The following TRMT44 variants were observed in gnomAD, a reference collection of about 807,000 sequenced individuals.
TRMT44 encodes the protein tRNA methyltransferase 44 homolog, also known as probable tRNA (uracil-O(2)-)-methyltransferase.
TRMT44 carries 78 observed loss-of-function variants against 77.3 expected under a neutral mutation model. The observed-to-expected ratio is 1.01, with a 90% CI of 0.84 to 1.22. The LOEUF (loss-of-function observed/expected upper bound fraction) is 1.22, where lower values mean the gene tolerates loss of function less well. TRMT44 is among the 50% of genes most tolerant of loss of function. The pLI is 0.00. For synonymous variants in TRMT44, 391 were observed against 383.3 expected (o/e 1.02, Z -0.23); for missense variants, 1,090 against 964.4 (o/e 1.13, Z -1.73).
the TRMT44 span, chr4:8,510,637 G>A: frequency 1.3e-5 from 2 of 152,636 alleles, no homozygotes; most frequent in Non-Finnish European, 2.9e-5. Flanking sequence ...CAGAGAGAGA[G>A]GCGTGGACCT....
At chr4:8,465,278 T>C (rs973030948) in intron 7 of TRMT44, 100 bp from the exon 8 acceptor site, 2 of 1,112,662 alleles carry the variant, frequency 1.8e-6, no homozygotes, top group Admixed American at 2.3e-5. Context: ...CACTTCCCTA[T>C]TTTGCCCTGA....
At chr4:8,468,626 A>G (rs946914898) in intron 9 of TRMT44, 1 of 563,776 alleles carries the variant, frequency 1.8e-6, no homozygotes, top group Non-Finnish European at 3.1e-6. Context: ...AGAACTACTC[A>G]TTTTCAATCT....
chr4:8,455,728 C>T (rs1183949153), intron 6 of TRMT44, among the ~76,000 whole-genome samples: 1 of 152,184 alleles, frequency 6.6e-6, no homozygotes, highest in African/African-American at 2.4e-5. Flanking sequence ...TATTTGCAAG[C>T]ATGTTGTTAA....
chr4:8,475,087 C>G (rs536539285), intron 10 of TRMT44, among the ~76,000 whole-genome samples: 16 of 152,324 alleles, frequency 1.1e-4, no homozygotes, highest in African/African-American at 3.4e-4. Context: ...TCCACACTTG[C>G]ACCTGGAGGG....
chr4:8,455,125 G>A lies in TRMT44; in HGVS notation c.1203+312G>A, dbSNP rs929241958. 6.6e-5 allele frequency among the ~76,000 whole-genome samples: 10 copies of A among 152,206 alleles called. No homozygotes were observed. The East Asian group carries it at 7.7e-4, about 12-fold the overall frequency. On this transcript the variant is annotated intron_variant, in intron 6 of 10. Transcript: ENST00000389737. ...AGCCTTGAGGTGGGGGCTGTGCCCC[G>A]TGCATTTTGCGAAGTCTTCTCCAAG...
intron 3 of TRMT44, among the ~76,000 whole-genome samples, chr4:8,450,278 G>C (rs975395439): frequency 2.0e-5 from 3 of 151,828 alleles, no homozygotes; most frequent in African/African-American, 7.3e-5. Context: ...ACTCTTCCAG[G>C]TAAAATTGTT....
At chr4:8,441,963 G>T (rs1279196265) in intron 1 of TRMT44, among the ~76,000 whole-genome samples, 2 of 152,236 alleles carry the variant, frequency 1.3e-5, no homozygotes, top group African/African-American at 4.8e-5. Flanking sequence ...CATCATACAT[G>T]TCATCTATAG....
chr4:8,490,113 G>A (rs1325195739), intron 2 of TRMT44, among the ~76,000 whole-genome samples: 1 of 152,156 alleles, frequency 6.6e-6, no homozygotes, highest in Non-Finnish European at 1.5e-5. Flanking sequence ...TTGATCCTGT[G>A]TGATTTCATC....
Position 8,451,564 on chromosome 4 carries a change from G to T in TRMT44, c.955-396G>T, listed in dbSNP as rs1283530356. Among the ~76,000 whole-genome samples the T allele has an allele frequency of 2.6e-5, 4 of 152,198 alleles. No individual in the cohort carries two copies. The highest frequency in any genetic ancestry group is 6.5e-5 in the Admixed American group (1 of 15,286). On this transcript the variant is annotated intron_variant, in intron 3 of 10. Coordinates refer to ENST00000389737, the MANE Select transcript of TRMT44 (RefSeq NM_152544.3). This position sits in a 1 kb window ranked among gnomAD's most constrained non-coding sequence, Gnocchi z 4.1. ...GCAGCCACTGATGGACCAGGGGCTG[G>T]AGCACTGGTCTCCTAGTTTGTGGCT...
Position 8,446,507 on chromosome 4 carries a change from T to C in TRMT44, c.651T>C (p.Pro217=), listed in dbSNP as rs2109088048. Residue 217 remains proline (P), a synonymous_variant, in exon 2 of 11, where the codon CCT becomes CCC. Transcript: ENST00000389737. This position sits in a 1 kb window ranked among gnomAD's most constrained non-coding sequence, Gnocchi z 4.3. ...TCAATGGAACCATAACGTTTTTGCC[T>C]TTGGAAGAAGATGATGAGGGGAACC... ...DVLNGTITFL[P]LEEDDEGNLK... 4 of 1,536,616 alleles carry C rather than the reference T, an allele frequency of 2.6e-6. No homozygotes were observed. The Middle Eastern group carries it at 5.0e-4, about 192-fold the overall frequency.
At position 8,461,704 on chromosome 4, in the gene TRMT44, C is replaced by T. The variant is rs1027212492; in HGVS notation, c.1204-2281C>T. 1.3e-5 allele frequency among the ~76,000 whole-genome samples: 2 copies of T among 151,934 alleles called. No individual in the cohort carries two copies. Among genetic ancestry groups the T allele is most frequent in the African/African-American group, 4.8e-5 (2 of 41,364 alleles). On this transcript the variant is annotated intron_variant, in intron 6 of 10. Transcript: ENST00000389737. This position sits in a 1 kb window ranked among gnomAD's most constrained non-coding sequence, Gnocchi z 4.6. ...AAGTGTGTAGGTTTTTTCCTTGTTA[C>T]CTCCCAACCTTCAGTCTCGGTGCTA... is the stretch of plus-strand genomic sequence containing the variant.
intron 6 of TRMT44, among the ~76,000 whole-genome samples, chr4:8,458,691 G>C (rs1314679460): frequency 6.6e-6 from 1 of 151,858 alleles, no homozygotes; most frequent in Non-Finnish European, 1.5e-5. Flanking sequence ...CTGACCTCAA[G>C]TGATCCACCC....
intron 10 of TRMT44, among the ~76,000 whole-genome samples, chr4:8,473,093 G>A (rs1359150202): frequency 6.6e-6 from 1 of 152,228 alleles, no homozygotes; most frequent in Non-Finnish European, 1.5e-5. Context: ...CTGAAGCTGG[G>A]TCTTATCTCT....
At chr4:8,463,964 C>T in intron 6 of TRMT44, 21 bp from the exon 7 acceptor site, 1 of 1,590,634 alleles carries the variant, frequency 6.3e-7, no homozygotes, top group African/African-American at 1.3e-5. Flanking sequence ...AACATTTCGT[C>T]TTGTTTTGTT....
At chr4:8,443,902 G>A (rs1724904640) in intron 1 of TRMT44, among the ~76,000 whole-genome samples, 3 of 151,872 alleles carry the variant, frequency 2.0e-5, no homozygotes, top group Admixed American at 2.0e-4. Flanking sequence ...GGAGGTTGCA[G>A]TGAACCAAGA....
At chr4:8,496,086 G>GA (rs1463986084), downstream of TRMT44, among the ~76,000 whole-genome samples, 36 of 152,302 alleles carry the variant, frequency 2.4e-4, no homozygotes, top group African/African-American at 8.4e-4. Context: ...GTGAACCAAT[G>GA]AGAAACCTTC....
chr4:8,456,061 C>G (rs527786832), intron 6 of TRMT44, among the ~76,000 whole-genome samples: 1 of 152,308 alleles, frequency 6.6e-6, no homozygotes, highest in South Asian at 2.1e-4. Flanking sequence ...TCAAAACTTA[C>G]ACAAACCCAG....
At chr4:8,496,312 C>T (rs1728148955), downstream of TRMT44, among the ~76,000 whole-genome samples, 1 of 152,216 alleles carries the variant, frequency 6.6e-6, no homozygotes, top group African/African-American at 2.4e-5. Flanking sequence ...GTTCAAAACA[C>T]CAAGAACCTG....
downstream of TRMT44, among the ~76,000 whole-genome samples, chr4:8,494,789 G>T (rs1728104310): frequency 6.6e-6 from 1 of 151,474 alleles, no homozygotes; most frequent in Non-Finnish European, 1.5e-5. Context: ...ACCCAAGGGA[G>T]GTATGAAGCT....
Sources: gnomAD v4.1 joint callset for allele counts (sites outside exome capture counted in the v4.1 genomes callset) on GRCh38, gnomAD v4.1.1 for gene constraint, Gnocchi (gnomAD v3.1) non-coding constraint, MANE v1.5 for transcripts, NCBI Gene and HGNC (gene_info 2026-07-23, HGNC 2026-07-21) for gene names.